The following ELOVL2 variants were observed in gnomAD, a reference collection of about 807,000 sequenced individuals.
ELOVL2 encodes the protein ELOVL fatty acid elongase 2, also known as very long chain fatty acid elongase 2.
Under a neutral mutation model 37.7 loss-of-function variants are expected in ELOVL2, and 38 were observed. The observed-to-expected ratio is 1.01, with a 90% CI of 0.78 to 1.32. The LOEUF is 1.32. Among genes scored for constraint, ELOVL2 ranks in the 40% most tolerant of loss-of-function variants. The pLI is 0.00. For missense variants in ELOVL2, 352 were observed against 363.6 expected (o/e 0.97, Z 0.26); for synonymous variants, 115 against 122.3 (o/e 0.94, Z 0.40).
At chr6:11,011,298 A>G (rs7756794) in intron 1 of ELOVL2, among the ~76,000 whole-genome samples, 82,737 of 151,244 alleles carry the variant, frequency 0.55, 23,843 homozygotes, top group East Asian at 0.9. Flanking sequence ...CCCGAGAGGC[A>G]GAGCTTGCAG....
intron 2 of ELOVL2, among the ~76,000 whole-genome samples, chr6:11,009,929 C>T (rs1431531746): frequency 6.6e-6 from 1 of 151,928 alleles, no homozygotes; most frequent in Admixed American, 6.6e-5. Flanking sequence ...TAGGAGGCCA[C>T]TGCAGTACAG....
At chr6:10,989,099 G>A (rs775025638) in intron 7 of ELOVL2, among the ~76,000 whole-genome samples, 1 of 152,100 alleles carries the variant, frequency 6.6e-6, no homozygotes. Flanking sequence ...TGGTAGCATG[G>A]TACAAATACA....
At chr6:10,993,143 C>T (rs909963714) in intron 5 of ELOVL2, among the ~76,000 whole-genome samples, 1 of 152,286 alleles carries the variant, frequency 6.6e-6, no homozygotes, top group East Asian at 1.9e-4. Context: ...CTTTATTAAA[C>T]AGGCATTTGT....
intron 1 of ELOVL2, among the ~76,000 whole-genome samples, chr6:11,040,474 T>C (rs60412882): frequency 0.025 from 3,785 of 152,338 alleles, 152 homozygotes; most frequent in African/African-American, 0.084. Context: ...AAAATCTTTT[T>C]CTGCATTGAT....
chr6:10,983,747 A>C lies in ELOVL2; in HGVS notation c.*34T>G, dbSNP rs201621858. On this transcript the variant is annotated 3_prime_UTR_variant, in exon 8 of 8. Transcript: ENST00000354666. The stretch of plus-strand genomic sequence containing the variant: ...TTGCTTTAAAACAAGCCAATCTGTT[A>C]GGCTAGTATATGTGCTTTTTCTGTT... The C allele has an allele frequency of 1.5e-5, 24 of 1,562,230 alleles. No homozygotes were observed. In the Admixed American group the frequency reaches 2.8e-4, roughly 19 times the overall value.
In ELOVL2 at chr6:11,000,169, C is replaced by A. The variant is rs752324695; in HGVS notation, c.256-5G>T. 9.9e-6 allele frequency: 16 copies of A among 1,613,560 alleles called. No individual in the cohort carries two copies. The highest frequency in any genetic ancestry group is 1.7e-5 in the Admixed American group (1 of 59,994). On this transcript the variant is annotated splice_polypyrimidine_tract_variant and splice_region_variant and intron_variant, in intron 3 of 7. Transcript: ENST00000354666. ...TTCCCAAGTGGAGAGAATGAGCTGC[C>A]AAAGAACCAAGAAAGAAAGAAAAAC...
At chr6:11,040,534 T>G (rs28444611) in intron 1 of ELOVL2, among the ~76,000 whole-genome samples, 27,465 of 152,202 alleles carry the variant, frequency 0.18, 3,142 homozygotes, top group Middle Eastern at 0.3. Context: ...TTATTAAAAC[T>G]AATTTCACTT....
intron 5 of ELOVL2, among the ~76,000 whole-genome samples, chr6:10,993,515 T>C (rs1161206000): frequency 7.2e-5 from 11 of 152,182 alleles, no homozygotes. Context: ...ACAGAGTAAT[T>C]TTACCCATGT....
chr6:11,035,387 C>T (rs915964638), intron 1 of ELOVL2, among the ~76,000 whole-genome samples: 2 of 152,222 alleles, frequency 1.3e-5, no homozygotes, highest in Admixed American at 6.5e-5. Flanking sequence ...TCCGACCTCA[C>T]GTAGCCTAGG....
chr6:10,995,923 T>C (rs956197270), intron 4 of ELOVL2, among the ~76,000 whole-genome samples: 3 of 152,224 alleles, frequency 2.0e-5, no homozygotes, highest in Admixed American at 6.5e-5. Context: ...TTTTGTCTCT[T>C]AGACTGTCCA....
intron 1 of ELOVL2, among the ~76,000 whole-genome samples, chr6:11,035,620 G>A (rs9468288): frequency 0.21 from 31,782 of 152,150 alleles, 4,496 homozygotes; most frequent in East Asian, 0.63. Flanking sequence ...CCATGATAAA[G>A]AATAAAAGTT....
chr6:11,031,565 A>T (rs745866256), intron 1 of ELOVL2, among the ~76,000 whole-genome samples: 16 of 152,066 alleles, frequency 1.1e-4, no homozygotes, highest in Non-Finnish European at 1.6e-4. Flanking sequence ...CTGTTTATTG[A>T]TTTATAAGGG....
In ELOVL2 at chr6:10,990,443, C is replaced by G; in HGVS notation, c.506-1G>C. 1.9e-6 allele frequency: 3 copies of G among 1,585,378 alleles called. No individual in the cohort carries two copies. The highest frequency in any genetic ancestry group is 2.6e-6 in the Non-Finnish European group (3 of 1,171,424). ...CTGTTCAGTGTTGGTCCAAAGAAACCTATAAAAGTACAGTATAAAAATCAC... is the reference window on the plus strand; with the variant it reads ...CTGTTCAGTGTTGGTCCAAAGAAACGTATAAAAGTACAGTATAAAAATCAC... On this transcript the variant is annotated splice_acceptor_variant, in intron 5 of 7. Coordinates refer to ENST00000354666, the MANE Select transcript of ELOVL2 (RefSeq NM_017770.4). LOFTEE classifies it high-confidence loss of function.
chr6:11,038,175 T>A (rs886769860), intron 1 of ELOVL2, among the ~76,000 whole-genome samples: 5 of 152,182 alleles, frequency 3.3e-5, no homozygotes, highest in Non-Finnish European at 5.9e-5. Flanking sequence ...CTCACAAAAG[T>A]TTTTTTGTGA....
At chr6:11,025,059 TA>T (rs931535430) in intron 1 of ELOVL2, among the ~76,000 whole-genome samples, 25 of 152,318 alleles carry the variant, frequency 1.6e-4, no homozygotes, top group Non-Finnish European at 3.1e-4. Context: ...TGTGCAATGG[TA>T]GCACAAAGCA....
chr6:10,989,925 A>G (rs908103471), intron 6 of ELOVL2, 88 bp from the exon 7 acceptor site: 10 of 1,435,756 alleles, frequency 7.0e-6, no homozygotes, highest in Admixed American at 6.2e-5. Context: ...TCAGAAATCA[A>G]CTCCTAGGAC....
chr6:10,981,138 C>G lies in ELOVL2; in HGVS notation c.*2643G>C, dbSNP rs1387406615. ...TATAATTTTGATGGCTTGACAATTG[C>G]TATGTTTAATTCCATTCAGTTAACA... On this transcript the variant is annotated 3_prime_UTR_variant, in exon 8 of 8. Coordinates refer to ENST00000354666, the MANE Select transcript of ELOVL2 (RefSeq NM_017770.4). 1 of 152,130 alleles carries G rather than the reference C, an allele frequency of 6.6e-6. No individual in the cohort carries two copies. The highest frequency in any genetic ancestry group is 1.5e-5 in the Non-Finnish European group (1 of 68,026). 9.4% of individuals were successfully genotyped at this position (152,130 alleles called of 1,614,324 possible). A position where few individuals can be genotyped will look rare whatever the true frequency, so the allele number is the denominator to read the frequency against.
intron 1 of ELOVL2, among the ~76,000 whole-genome samples, chr6:11,037,411 A>G (rs1013487462): frequency 3.9e-5 from 6 of 152,188 alleles, no homozygotes; most frequent in African/African-American, 1.4e-4. Context: ...CACGTGGAAA[A>G]TTCAACAGAT....
intron 1 of ELOVL2, among the ~76,000 whole-genome samples, chr6:11,013,280 T>C (rs958837548): frequency 6.6e-6 from 1 of 152,128 alleles, no homozygotes. Context: ...AATGATGAGA[T>C]GAGGTGATGT....
Sources: gnomAD v4.1 joint callset for allele counts (sites outside exome capture counted in the v4.1 genomes callset) on GRCh38, gnomAD v4.1.1 for gene constraint, MANE v1.5 for transcripts, NCBI Gene and HGNC (gene_info 2026-07-23, HGNC 2026-07-21) for gene names.